MZT2A: variants seen among roughly 807,000 people sequenced by gnomAD.
The protein encoded by MZT2A is mitotic-spindle organizing protein 2A.
MZT2A carries 8 observed loss-of-function variants against 12.4 expected under a neutral mutation model. That is an observed-to-expected ratio of 0.64 (90% CI 0.38 to 1.16). The LOEUF (loss-of-function observed/expected upper bound fraction) is 1.16. Ranked by LOEUF, MZT2A falls within the 50% of genes most tolerant of loss-of-function variation. The pLI is 0.01. For missense variants in MZT2A, 181 were observed against 223.6 expected (o/e 0.81, Z 1.22); for synonymous variants, 88 against 107.5 (o/e 0.82, Z 1.12).
intron 2 of MZT2A, among the ~76,000 whole-genome samples, chr2:131,474,597 G>A (rs1301769429): frequency 2.7e-5 from 4 of 149,964 alleles, no homozygotes; most frequent in African/African-American, 9.8e-5. Context: ...TTTAGTAGAG[G>A]AAGGGTTTCA....
chr2:131,491,557 G>C, intron 2 of MZT2A: 1 of 505,100 alleles, frequency 2.0e-6, no homozygotes, highest in Non-Finnish European at 3.5e-6. Flanking sequence ...ACGGCGCCCA[G>C]CCCCAAACCG....
At chr2:131,479,577 C>T (rs28462272), downstream of MZT2A, 152,925 of 1,531,404 alleles carry the variant, frequency 0.1, 11,959 homozygotes, top group African/African-American at 0.42. Context: ...CGGTGGCTCA[C>T]ACATGTAATC....
intron 2 of MZT2A, chr2:131,490,546 TA>T: frequency 6.7e-7 from 1 of 1,486,720 alleles, no homozygotes; most frequent in South Asian, 1.4e-5. Context: ...ACCATGTCTC[TA>T]ATAAACCGAG....
At chr2:131,491,339 G>C (rs1679292220) in intron 2 of MZT2A, 1 of 279,386 alleles carries the variant, frequency 3.6e-6, no homozygotes. Context: ...CAGGAACTGG[G>C]CCCAGGTGGG....
At chr2:131,480,845 G>A, downstream of MZT2A, 1 of 1,511,716 alleles carries the variant, frequency 6.6e-7, no homozygotes, top group Non-Finnish European at 9.0e-7. Context: ...GATTATCCCT[G>A]TTCCATGGGC....
downstream of MZT2A, chr2:131,482,845 C>T (rs1678908341): frequency 1.2e-6 from 2 of 1,612,924 alleles, no homozygotes; most frequent in African/African-American, 2.7e-5. Flanking sequence ...GCGAAGAATA[C>T]TGAGGGGAGG....
chr2:131,474,412 T>C (rs1573852797), intron 2 of MZT2A, among the ~76,000 whole-genome samples: 1 of 99,128 alleles, frequency 1.0e-5, no homozygotes, highest in Non-Finnish European at 1.9e-5. Flanking sequence ...CTTCTTTTTT[T>C]TTTTTTTTTT....
upstream of MZT2A, chr2:131,493,127 T>C: frequency 1.3e-6 from 2 of 1,483,512 alleles, no homozygotes; most frequent in Non-Finnish European, 9.0e-7. Context: ...CGGGCGACGC[T>C]ATGGGTCCCA....
chr2:131,491,542 G>T, intron 2 of MZT2A: 1 of 475,292 alleles, frequency 2.1e-6, no homozygotes, highest in Non-Finnish European at 3.8e-6. Flanking sequence ...TTATAGGCGT[G>T]AGCCACGGCG....
downstream of MZT2A, among the ~76,000 whole-genome samples, chr2:131,481,458 C>CA (rs1384033899): frequency 2.7e-3 from 344 of 129,710 alleles, no homozygotes; most frequent in African/African-American, 0.011. Flanking sequence ...TTTTTTGAGA[C>CA]AGAGTCTTGC....
intron 2 of MZT2A, among the ~76,000 whole-genome samples, chr2:131,474,286 A>G (rs1040185340): frequency 6.6e-6 from 1 of 151,430 alleles, no homozygotes; most frequent in African/African-American, 2.4e-5. Context: ...TTTAGTAGAG[A>G]CGGGGTTTTA....
chr2:131,475,037 T>A (rs903080238), intron 2 of MZT2A, among the ~76,000 whole-genome samples: 1 of 152,176 alleles, frequency 6.6e-6, no homozygotes, highest in South Asian at 2.1e-4. Flanking sequence ...CTCAGCTCAC[T>A]GCAACCTCTG....
intron 2 of MZT2A, among the ~76,000 whole-genome samples, chr2:131,487,384 G>A (rs1679091916): frequency 6.6e-6 from 1 of 152,110 alleles, no homozygotes; most frequent in Non-Finnish European, 1.5e-5. Context: ...AAGAGGAGGT[G>A]GGAGGATTGC....
intron 2 of MZT2A, chr2:131,490,240 G>T (rs562767701): frequency 4.6e-6 from 4 of 872,454 alleles, no homozygotes; most frequent in Non-Finnish European, 5.6e-6. Flanking sequence ...GAGTGCTGGA[G>T]TGTGGCCATG....
downstream of MZT2A, among the ~76,000 whole-genome samples, chr2:131,481,060 C>A (rs553725092): frequency 6.6e-6 from 1 of 152,030 alleles, no homozygotes; most frequent in South Asian, 2.1e-4. Context: ...CCCGCTACCA[C>A]GCCCGGCTAA....
intron 4 of MZT2A, chr2:131,469,808 C>CCCCCTTTT (rs1390873773): frequency 1.5e-5 from 2 of 131,494 alleles, no homozygotes; most frequent in African/African-American, 7.8e-5. Context: ...TCCTCCCCCC[C>CCCCCTTTT]TTTTTTTTTT....
rs1038082073 is a variant in MZT2A, at chr2:131,470,045, C to T, written c.*110+161G>A. ...TCTCAAACTCCTGACCTCAGGCCAT[C>T]CACCCGCCTCGACCTCCCAAAGTGC... is the stretch of plus-strand genomic sequence containing the variant. On this transcript the variant is annotated intron_variant and NMD_transcript_variant, in intron 4 of 4. Transcript: ENST00000427024. 235 of 341,638 alleles carry T rather than the reference C, an allele frequency of 6.9e-4. 1 individual carries two copies. Among genetic ancestry groups the T allele is most frequent in the South Asian group, 4.5e-3 (196 of 43,160 alleles). The allele number at this position is 341,638 out of a possible 1,614,324, so 21.2% of individuals were successfully genotyped here.
In MZT2A at chr2:131,484,032, A is replaced by G; in HGVS notation, c.*29T>C. ...AGGTAACATGTAGCCTTTGCTGGGG[A>G]CAAAGATGTGACAAGTCTCTGCCCC... On this transcript the variant is annotated 3_prime_UTR_variant, in exon 3 of 3. Coordinates refer to ENST00000309451, the MANE Select transcript of MZT2A (RefSeq NM_001085365.2). 6.3e-7 allele frequency: 1 copy of G among 1,582,938 alleles called. No individual in the cohort carries two copies. The highest frequency in any genetic ancestry group is 8.6e-7 in the Non-Finnish European group (1 of 1,159,326).
At chr2:131,491,825 C>G (rs1180424102) in intron 2 of MZT2A, 51 bp downstream of exon 2, 1 of 1,319,756 alleles carries the variant, frequency 7.6e-7, no homozygotes, top group African/African-American at 1.5e-5. Context: ...CTGCCCCCTC[C>G]CCGCCCGCCA....
Sources: gnomAD v4.1 joint callset for allele counts (sites outside exome capture counted in the v4.1 genomes callset) on GRCh38, gnomAD v4.1.1 for gene constraint, MANE v1.5 for transcripts, NCBI Gene and HGNC (gene_info 2026-07-23, HGNC 2026-07-21) for gene names.